SMAD1: variants seen among roughly 807,000 people sequenced by gnomAD.
The protein encoded by SMAD1 is SMAD family member 1.
SMAD1 carries 6 observed loss-of-function variants against 41.6 expected under a neutral mutation model. The observed-to-expected ratio is 0.14, with a 90% CI of 0.08 to 0.28. The LOEUF is 0.28. Ranked by LOEUF, SMAD1 falls within the 10% of genes least tolerant of loss-of-function variation. The pLI is 1.00. For synonymous variants in SMAD1, 206 were observed against 203.2 expected (o/e 1.01, Z -0.12); for missense variants, 379 against 582.6 (o/e 0.65, Z 3.60).
intron 1 of SMAD1, among the ~76,000 whole-genome samples, chr4:145,491,208 A>G (rs1728749547): frequency 1.3e-5 from 2 of 152,344 alleles, no homozygotes; most frequent in South Asian, 4.1e-4. Context: ...GACTTATATC[A>G]ATAGGAAGCA....
At chr4:145,503,225 TGTG>T (rs1363633557) in intron 1 of SMAD1, among the ~76,000 whole-genome samples, 1 of 152,002 alleles carries the variant, frequency 6.6e-6, no homozygotes, top group Non-Finnish European at 1.5e-5. Flanking sequence ...GAACTTTACT[TGTG>T]GTGTTTGTGA....
chr4:145,539,991 T>C lies in SMAD1; in HGVS notation c.588T>C (p.Pro196=), dbSNP rs1731830518. Residue 196 remains proline, a synonymous_variant, in exon 3 of 7, where the codon CCT becomes CCC. Transcript: ENST00000302085. ...HSPNSSYPNS[P]GSSSSTYPHS... is the part of the protein sequence containing the mutation. ...CCAATAGCAGTTACCCAAACTCTCC[T>C]GGGAGCAGCAGCAGCACCTACCCTC... is the stretch of plus-strand genomic sequence containing the variant. The C allele has an allele frequency of 6.2e-7, 1 of 1,614,094 alleles. No individual in the cohort carries two copies. The highest frequency in any genetic ancestry group is 8.5e-7 in the Non-Finnish European group (1 of 1,180,002).
At chr4:145,541,052 G>A (rs1427795034) in intron 3 of SMAD1, among the ~76,000 whole-genome samples, 2 of 152,034 alleles carry the variant, frequency 1.3e-5, no homozygotes, top group African/African-American at 4.8e-5. Context: ...GATGAGGGTT[G>A]GGAGACAGAC....
At chr4:145,527,030 C>T (rs1406435192) in intron 2 of SMAD1, among the ~76,000 whole-genome samples, 2 of 151,994 alleles carry the variant, frequency 1.3e-5, no homozygotes, top group African/African-American at 4.8e-5. Context: ...AATAGTGATA[C>T]AAGGAACATC....
chr4:145,499,213 C>G (rs1052623924), intron 1 of SMAD1, among the ~76,000 whole-genome samples: 2 of 152,178 alleles, frequency 1.3e-5, no homozygotes, highest in African/African-American at 4.8e-5. Context: ...TCAAAATGCT[C>G]CAAGATCCAA....
intron 1 of SMAD1, among the ~76,000 whole-genome samples, chr4:145,509,069 A>G (rs1729939838): frequency 6.6e-6 from 1 of 152,238 alleles, no homozygotes; most frequent in African/African-American, 2.4e-5. Flanking sequence ...GTAAGTTAAT[A>G]GTAGGTAAAT....
intron 2 of SMAD1, among the ~76,000 whole-genome samples, chr4:145,533,062 G>A (rs557314115): frequency 7.9e-5 from 12 of 152,306 alleles, no homozygotes; most frequent in Admixed American, 7.2e-4. Context: ...AGAGAACCAC[G>A]CATTGTCCTT....
At chr4:145,542,554 A>G in intron 3 of SMAD1, 28 bp from the exon 4 acceptor site, 1 of 1,398,086 alleles carries the variant, frequency 7.2e-7, no homozygotes, top group Non-Finnish European at 1.0e-6. Context: ...CTAAGGGTTA[A>G]GAAATAACTT....
At chr4:145,533,019 C>T (rs1441736895) in intron 2 of SMAD1, among the ~76,000 whole-genome samples, 2 of 152,172 alleles carry the variant, frequency 1.3e-5, no homozygotes, top group Non-Finnish European at 2.9e-5. Context: ...ATGAAAGGAG[C>T]ATGAAGTGGG....
chr4:145,499,266 G>C (rs889164306), intron 1 of SMAD1, among the ~76,000 whole-genome samples: 1 of 152,176 alleles, frequency 6.6e-6, no homozygotes, highest in African/African-American at 2.4e-5. Context: ...GGAAAATTCT[G>C]CACCTAACTT....
intron 2 of SMAD1, 22 bp from the exon 3 acceptor site, chr4:145,539,781 CT>C (rs1204082529): frequency 2.5e-6 from 4 of 1,608,756 alleles, no homozygotes; most frequent in Non-Finnish European, 3.4e-6. Flanking sequence ...TTGTCCTTCT[CT>C]TTTTTCCCTT....
At chr4:145,535,727 G>A (rs1392778046) in intron 2 of SMAD1, among the ~76,000 whole-genome samples, 2 of 152,070 alleles carry the variant, frequency 1.3e-5, no homozygotes, top group African/African-American at 4.8e-5. Context: ...AAGGGATGTG[G>A]TAGGGAGTAT....
At position 145,557,895 on chromosome 4, in the gene SMAD1, A is replaced by C; in HGVS notation, c.1359A>C (p.Gln453His). The change falls in exon 7 of 7, where the codon CAA becomes CAC. Residue 453 changes from glutamine (Q) to histidine (H), a missense_variant. Physicochemically the swap from Gln to His is conservative, Grantham distance 24 (BLOSUM62 0). This residue lies in a region of SMAD1 where 107 missense variants were observed against 218.3 expected (regional missense o/e 0.49). Transcript: ENST00000302085. ...PLQWLDKVLT[Q>H]MGSPHNPISS... is the part of the protein sequence containing the mutation. Reference sequence around the variant, plus strand: ...AGTGGCTGGATAAAGTTCTTACTCAAATGGGTTCACCTCATAATCCTATTT... The same window carrying C: ...AGTGGCTGGATAAAGTTCTTACTCACATGGGTTCACCTCATAATCCTATTT... 6.2e-7 allele frequency: 1 copy of C among 1,612,548 alleles called. No homozygotes were observed. The highest frequency in any genetic ancestry group is 8.5e-7 in the Non-Finnish European group (1 of 1,179,026).
At chr4:145,505,573 C>T (rs905577193) in intron 1 of SMAD1, among the ~76,000 whole-genome samples, 1 of 150,244 alleles carries the variant, frequency 6.7e-6, no homozygotes, top group East Asian at 2.0e-4. Context: ...GAGCCGAGAT[C>T]GCGCCACTGC....
intron 4 of SMAD1, chr4:145,544,530 G>C (rs1203722054): frequency 6.7e-6 from 1 of 150,154 alleles, no homozygotes; most frequent in Admixed American, 6.6e-5. Flanking sequence ...GCAGTGAACT[G>C]AGATCACACC....
At chr4:145,527,328 A>G (rs945448910) in intron 2 of SMAD1, among the ~76,000 whole-genome samples, 2 of 149,820 alleles carry the variant, frequency 1.3e-5, no homozygotes, top group African/African-American at 4.9e-5. Context: ...GGTTCACGCC[A>G]TTCTCCTGCC....
At chr4:145,550,152 G>A (rs1288236360) in intron 5 of SMAD1, among the ~76,000 whole-genome samples, 1 of 152,164 alleles carries the variant, frequency 6.6e-6, no homozygotes, top group Non-Finnish European at 1.5e-5. Flanking sequence ...ATCATTATGT[G>A]TAGATGATAT....
intron 1 of SMAD1, among the ~76,000 whole-genome samples, chr4:145,504,984 C>A (rs929721522): frequency 2.0e-5 from 3 of 152,148 alleles, no homozygotes; most frequent in African/African-American, 7.2e-5. Context: ...GCATTTTTAA[C>A]CCTACGTCTT....
chr4:145,503,315 TG>T (rs1414861822), intron 1 of SMAD1, among the ~76,000 whole-genome samples: 1 of 152,144 alleles, frequency 6.6e-6, no homozygotes, highest in Non-Finnish European at 1.5e-5. Flanking sequence ...ATGGCTTTCT[TG>T]TGTAGGAATT....
Sources: gnomAD v4.1 joint callset for allele counts (sites outside exome capture counted in the v4.1 genomes callset) on GRCh38, gnomAD v4.1.1 for gene constraint, gnomAD v4.1.1 regional missense constraint, MANE v1.5 for transcripts, NCBI Gene and HGNC (gene_info 2026-07-23, HGNC 2026-07-21) for gene names.